SNTG1: variants seen among roughly 807,000 people sequenced by gnomAD.
SNTG1 encodes gamma-1-syntrophin.
In SNTG1, 39 loss-of-function variants were observed where a neutral mutation model predicts 74.7. That is an observed-to-expected ratio of 0.52 (90% confidence interval 0.40 to 0.68). The LOEUF is 0.68. Ranked by LOEUF, SNTG1 falls within the 30% of genes least tolerant of loss-of-function variation. The probability of loss-of-function intolerance (pLI) is 0.00; values close to 1 mark genes in which losing one functional copy is unlikely to be tolerated. For missense variants in SNTG1, 685 were observed against 609.5 expected (o/e 1.12, Z -1.30); for synonymous variants, 254 against 217.1 (o/e 1.17, Z -1.49).
chr8:50,572,483 ATAAAGT>A (rs1365347007), intron 12 of SNTG1, among the ~76,000 whole-genome samples: 1 of 152,178 alleles, frequency 6.6e-6, no homozygotes, highest in Admixed American at 6.6e-5. Context: ...TTATAGGAAA[ATAAAGT>A]TTAAGAAAGC....
intron 1 of SNTG1, among the ~76,000 whole-genome samples, chr8:49,968,707 G>A (rs1279087852): frequency 3.3e-5 from 5 of 152,096 alleles, no homozygotes; most frequent in African/African-American, 1.2e-4. Flanking sequence ...AGCTATAGCT[G>A]GAAGAATAAT....
In SNTG1 at chr8:49,939,877, A is replaced by C. The variant is rs1808525519; in HGVS notation, c.-103+27646A>C. ...GAGAGGTCTAGGGTCTAGCAGGCCG[A>C]GAGCATCTCTTTTCTGCCTTTTACT... On this transcript the variant is annotated intron_variant, in intron 1 of 18. Coordinates refer to ENST00000642720, the MANE Select transcript of SNTG1 (RefSeq NM_018967.5). Among the ~76,000 whole-genome samples the C allele has an allele frequency of 3.3e-5, 5 of 152,214 alleles. No individual in the cohort carries two copies. The South Asian group carries it at 1.0e-3, about 31-fold the overall frequency.
rs376361964 is a variant in SNTG1 at position 50,583,129 on chromosome 8, T to C, written c.811-7750T>C. On this transcript the variant is annotated intron_variant, in intron 12 of 18. Coordinates refer to ENST00000642720, the MANE Select transcript of SNTG1 (RefSeq NM_018967.5). ...TTGAGAATACACATGAGAGCAGGCA[T>C]GGTGGCTCATGCCTGTAATCTTAAG... is the stretch of plus-strand genomic sequence containing the variant. Among the ~76,000 whole-genome samples the C allele has an allele frequency of 1.9e-4, 29 of 152,050 alleles. 1 individual carries two copies. In the East Asian group the frequency reaches 5.1e-3, roughly 26 times the overall value.
At chr8:49,961,687 C>A (rs1274921006) in intron 1 of SNTG1, among the ~76,000 whole-genome samples, 1 of 152,188 alleles carries the variant, frequency 6.6e-6, no homozygotes, top group Non-Finnish European at 1.5e-5. Context: ...TAAAAGAGAA[C>A]AATGGTAGCT....
chr8:50,539,861 G>T (rs970961377), intron 11 of SNTG1, among the ~76,000 whole-genome samples: 5 of 152,166 alleles, frequency 3.3e-5, no homozygotes, highest in African/African-American at 9.7e-5. Context: ...ATTGCCAAAA[G>T]TTTTTGTTTT....
intron 1 of SNTG1, among the ~76,000 whole-genome samples, chr8:50,134,811 GTTCA>G (rs751340603): frequency 9.9e-5 from 15 of 152,086 alleles, no homozygotes; most frequent in Admixed American, 5.9e-4. Flanking sequence ...AGATGGAAGT[GTTCA>G]CTTTGAACAG....
chr8:50,160,455 C>A (rs1439106979), intron 1 of SNTG1, among the ~76,000 whole-genome samples: 1 of 152,074 alleles, frequency 6.6e-6, no homozygotes, highest in African/African-American at 2.4e-5. Context: ...CTTAAAGGGT[C>A]ATATGGATTG....
intron 1 of SNTG1, among the ~76,000 whole-genome samples, chr8:50,060,218 C>T (rs1224576609): frequency 6.6e-6 from 1 of 152,038 alleles, no homozygotes; most frequent in Non-Finnish European, 1.5e-5. Flanking sequence ...TGCTTATCAC[C>T]AAGTAGTAAT....
intron 2 of SNTG1, among the ~76,000 whole-genome samples, chr8:50,200,946 T>G (rs1449220157): frequency 6.6e-6 from 1 of 152,170 alleles, no homozygotes; most frequent in Non-Finnish European, 1.5e-5. Context: ...AAATCTTAAT[T>G]TATTCCCCTA....
At chr8:50,223,584 G>A (rs566049244) in intron 2 of SNTG1, among the ~76,000 whole-genome samples, 8 of 151,992 alleles carry the variant, frequency 5.3e-5, no homozygotes, top group African/African-American at 1.9e-4. Flanking sequence ...GGAGAAATAC[G>A]ACCATCTCAT....
intron 2 of SNTG1, among the ~76,000 whole-genome samples, chr8:50,217,320 G>A (rs1306746055): frequency 2.0e-5 from 3 of 152,100 alleles, no homozygotes; most frequent in South Asian, 2.1e-4. Flanking sequence ...TATTAATGAA[G>A]GGGAGTCATT....
intron 4 of SNTG1, among the ~76,000 whole-genome samples, chr8:50,427,266 A>G (rs2093175121): frequency 6.6e-6 from 1 of 152,198 alleles, no homozygotes. Flanking sequence ...ATCTAAAATT[A>G]CAAGCCAATT....
chr8:50,724,105 G>C (rs1196911835), intron 17 of SNTG1, among the ~76,000 whole-genome samples: 1 of 152,128 alleles, frequency 6.6e-6, no homozygotes, highest in Non-Finnish European at 1.5e-5. Context: ...TTTATCAAAA[G>C]CTTTTATTCC....
chr8:50,096,313 G>C (rs991620475), intron 1 of SNTG1, among the ~76,000 whole-genome samples: 2 of 152,102 alleles, frequency 1.3e-5, no homozygotes, highest in Non-Finnish European at 2.9e-5. Context: ...AATTACAATA[G>C]TTCAAATTTG....
chr8:50,340,668 A>G (rs938372380), intron 2 of SNTG1, among the ~76,000 whole-genome samples: 4 of 151,954 alleles, frequency 2.6e-5, no homozygotes, highest in African/African-American at 4.8e-5. Context: ...AAGTTTGGCA[A>G]TGAGTTTATG....
intron 1 of SNTG1, among the ~76,000 whole-genome samples, chr8:50,115,576 A>AAAAACAAAAACAAAAAAAAAC (rs2080785978): frequency 2.4e-5 from 2 of 82,800 alleles, no homozygotes; most frequent in Admixed American, 3.7e-4. Context: ...TCAAAAAAAA[A>AAAAACAAAAACAAAAAAAAAC]AAAAAAAAAA....
At chr8:50,754,858 C>T (rs1420892989) in intron 18 of SNTG1, among the ~76,000 whole-genome samples, 1 of 151,872 alleles carries the variant, frequency 6.6e-6, no homozygotes, top group Non-Finnish European at 1.5e-5. Context: ...TCTTGTGTTT[C>T]TATTTTCATC....
intron 2 of SNTG1, among the ~76,000 whole-genome samples, chr8:50,217,650 G>A (rs558319182): frequency 1.7e-5 from 1 of 57,862 alleles, no homozygotes; most frequent in Admixed American, 1.5e-4. Flanking sequence ...AAGGTTCCAT[G>A]GTTCCATTAC....
chr8:49,959,862 T>C (rs1298004515), intron 1 of SNTG1, among the ~76,000 whole-genome samples: 1 of 152,230 alleles, frequency 6.6e-6, no homozygotes, highest in African/African-American at 2.4e-5. Flanking sequence ...TGCTTATCCA[T>C]GAATGTTACT....
Sources: allele counts gnomAD v4.1 joint callset (sites outside exome capture counted in the v4.1 genomes callset), GRCh38; gene constraint gnomAD v4.1.1; transcripts MANE v1.5; gene names NCBI Gene and HGNC (gene_info 2026-07-23, HGNC 2026-07-21).